Variants in GALNS observed in about 807,000 individuals in gnomAD.
GALNS encodes N-acetylgalactosamine-6-sulfatase.
A neutral mutation model predicts 65.9 loss-of-function variants in GALNS; 65 were observed. That is an observed-to-expected ratio of 0.99 (90% confidence interval 0.81 to 1.21). The LOEUF (loss-of-function observed/expected upper bound fraction) is 1.21, where lower values mean the gene tolerates loss of function less well. Ranked by LOEUF, GALNS falls within the 50% of genes most tolerant of loss-of-function variation. The pLI is 0.00. For missense variants in GALNS, 776 were observed against 700.7 expected (o/e 1.11, Z -1.21); for synonymous variants, 346 against 288.9 (o/e 1.20, Z -2.00).
At position 88,836,214 on chromosome 16, in the gene GALNS, TG is replaced by T; in HGVS notation, c.619del (p.Gln207ArgfsTer112). 6.2e-7 allele frequency: 1 copy of T among 1,613,498 alleles called. No individual in the cohort carries two copies. Reference sequence around the variant, plus strand: ...GGTCCCCATCACCTGCAGGTAGATCTGGGTGAGGTTGGCTTCCCCCGTCTTC... The same window carrying T: ...GGTCCCCATCACCTGCAGGTAGATCTGGTGAGGTTGGCTTCCCCCGTCTTC... ...NLKTGEANLT[Q>X]IYLQEALDFI... On this transcript the variant is annotated frameshift_variant, in exon 6 of 14. Transcript: ENST00000268695. LOFTEE classifies it high-confidence loss of function.
chr16:88,814,072 A>G lies in GALNS; in HGVS notation c.*367T>C, dbSNP rs1141390. ...GGCAAACTGTATCCCCAGCCACCTC[A>G]GGCACCTGTTGTCAGGACCTCCTGA... On this transcript the variant is annotated 3_prime_UTR_variant, in exon 14 of 14. Coordinates refer to ENST00000268695, the MANE Select transcript of GALNS (RefSeq NM_000512.5). The G allele has an allele frequency of 0.33, 127,283 of 381,070 alleles. 22,336 individuals carry two copies. The highest frequency in any genetic ancestry group is 0.6 in the East Asian group (10,021 of 16,734). The allele number at this position is 381,070 out of a possible 1,614,324, so 23.6% of individuals were successfully genotyped here.
At chr16:88,828,524 C>T (rs371912131) in intron 9 of GALNS, among the ~76,000 whole-genome samples, 22 of 152,348 alleles carry the variant, frequency 1.4e-4, no homozygotes, top group African/African-American at 5.0e-4. Flanking sequence ...TCACTGAAAC[C>T]CCGTCGTGGT....
At chr16:88,836,606 A>C (rs1912167838) in intron 5 of GALNS, among the ~76,000 whole-genome samples, 1 of 152,012 alleles carries the variant, frequency 6.6e-6, no homozygotes. Flanking sequence ...GTGAGCCGAG[A>C]TCGCGCCACT....
rs1045492111 is a variant in GALNS, at chr16:88,817,515, G to A, written c.1482+492C>T. ...CTCGCAGGTGGGCCCTGGGGCCGCCGCCACTCAACAGTGCCCACCAGCCCA... is the reference window on the plus strand; with the variant it reads ...CTCGCAGGTGGGCCCTGGGGCCGCCACCACTCAACAGTGCCCACCAGCCCA... On this transcript the variant is annotated intron_variant, in intron 13 of 13. Coordinates refer to ENST00000268695, the MANE Select transcript of GALNS (RefSeq NM_000512.5). The A allele has an allele frequency of 2.5e-5, 25 of 985,398 alleles. No individual in the cohort carries two copies. In the East Asian group the frequency reaches 1.2e-3, roughly 49 times the overall value. The allele number at this position is 985,398 out of a possible 1,614,324, so 61.0% of individuals were successfully genotyped here.
chr16:88,818,352 G>C (rs1466963464), intron 12 of GALNS, among the ~76,000 whole-genome samples: 1 of 152,212 alleles, frequency 6.6e-6, no homozygotes, highest in Non-Finnish European at 1.5e-5. Context: ...AGGAAATGAA[G>C]GCTCAGCAGG....
chr16:88,819,995 A>G (rs116552387), intron 12 of GALNS, among the ~76,000 whole-genome samples: 7,178 of 149,642 alleles, frequency 0.048, 208 homozygotes, highest in South Asian at 0.085. Flanking sequence ...CCCGGCCTTA[A>G]TTTTTTATTT....
At chr16:88,816,649 C>T (rs1909658909) in intron 13 of GALNS, 7 of 985,282 alleles carry the variant, frequency 7.1e-6, no homozygotes, top group Non-Finnish European at 8.4e-6. Flanking sequence ...TAGGTGCTCC[C>T]GATGGCCGGT....
Position 88,822,626 on chromosome 16 carries a change from G to A in GALNS, c.1327C>T (p.His443Tyr), listed in dbSNP as rs1349775646. ...CTCTCCCCTGGGTCCCGTCCCAGGT[G>A]GAAGATCAGGGGCAGCTTCGTGTGG... Reference protein sequence around the residue: ...EDHTKLPLIFHLGRDPGERFP... With the variant: ...EDHTKLPLIFYLGRDPGERFP... The change falls in exon 12 of 14, where the codon CAC becomes TAC. Residue 443 changes from histidine to tyrosine, a missense_variant. Coordinates refer to ENST00000268695, the MANE Select transcript of GALNS (RefSeq NM_000512.5). 1.2e-6 allele frequency: 2 copies of A among 1,613,052 alleles called. No individual in the cohort carries two copies. The highest frequency in any genetic ancestry group is 1.7e-5 in the Admixed American group (1 of 60,008).
rs781754885 is a variant in GALNS at position 88,835,310 on chromosome 16, C to T, written c.801G>A (p.Lys267=). Residue 267 remains lysine, a synonymous_variant, in exon 8 of 14, where the codon AAG becomes AAA. Transcript: ENST00000268695. ...GCAGGTCTTGGAGGAGCTCCAGTAT[C>T]TTCCCAATGCTGTCATCAATCTCCC... The part of the protein sequence containing the change: ...AVREIDDSIG[K]ILELLQDLHV... The T allele has an allele frequency of 3.7e-6, 6 of 1,613,572 alleles. No individual in the cohort carries two copies. Among genetic ancestry groups the T allele is most frequent in the Non-Finnish European group, 5.1e-6 (6 of 1,179,876 alleles).
intron 1 of GALNS, among the ~76,000 whole-genome samples, chr16:88,847,792 G>A (rs1213142076): frequency 6.6e-6 from 1 of 152,266 alleles, no homozygotes; most frequent in African/African-American, 2.4e-5. Flanking sequence ...CCTGGTGAGA[G>A]GTCCGGCAGC....
chr16:88,824,122 G>A (rs977904110), intron 11 of GALNS, among the ~76,000 whole-genome samples: 7 of 152,108 alleles, frequency 4.6e-5, no homozygotes, highest in African/African-American at 1.4e-4. Context: ...TTAGCAGGGG[G>A]TTCATATCTC....
Position 88,841,882 on chromosome 16 carries a change from C to T in GALNS, c.319+15G>A, listed in dbSNP as rs777179922. On this transcript the variant is annotated intron_variant, in intron 3 of 13. Coordinates refer to ENST00000268695, the MANE Select transcript of GALNS (RefSeq NM_000512.5). ...TGCACCCCAAGGGTGTCCCTGGAGG[C>T]GGTGGGCAGCCTACCGTTTCTGGCA... 1.1e-5 allele frequency: 17 copies of T among 1,609,070 alleles called. 1 individual carries two copies. Among genetic ancestry groups the T allele is most frequent in the Admixed American group, 5.0e-5 (3 of 59,436 alleles).
rs1158072599 is a variant in GALNS, at chr16:88,828,222, G to A, written c.1003-1384C>T. Among the ~76,000 whole-genome samples, 3 of 144,320 alleles carry A rather than the reference G, an allele frequency of 2.1e-5. No individual in the cohort carries two copies. In the East Asian group the frequency reaches 6.6e-4, roughly 32 times the overall value. 94.7% of individuals were successfully genotyped at this position (144,320 alleles called of 152,430 possible). A position where few individuals can be genotyped will look rare whatever the true frequency, so the allele number is the denominator to read the frequency against. On this transcript the variant is annotated intron_variant, in intron 9 of 13. Coordinates refer to ENST00000268695, the MANE Select transcript of GALNS (RefSeq NM_000512.5). The stretch of plus-strand genomic sequence containing the variant: ...CAGAATAATAAAGGAAAGAAATCCA[G>A]ATGCTTTTGTCATCTGAAAAAATAA...
intron 1 of GALNS, among the ~76,000 whole-genome samples, chr16:88,847,566 C>A (rs1967307084): frequency 6.6e-6 from 1 of 152,140 alleles, no homozygotes; most frequent in Admixed American, 6.5e-5. Context: ...AAGTTTCCAC[C>A]ATTTCAAATG....
chr16:88,841,720 C>T (rs1480368578), intron 3 of GALNS, among the ~76,000 whole-genome samples, 177 bp downstream of exon 3: 2 of 152,144 alleles, frequency 1.3e-5, no homozygotes, highest in Admixed American at 6.5e-5. Context: ...TGGGCCAGGG[C>T]AGGGAAGGAA....
At position 88,838,281 on chromosome 16, in the gene GALNS, C is replaced by T. The variant is rs944519206; in HGVS notation, c.423-516G>A. ...GTTCAGGGCAATGGCCCCAGGATGA[C>T]GACTGGGCGGGGCGTTGTGTGCCGT... On this transcript the variant is annotated intron_variant, in intron 4 of 13. Coordinates refer to ENST00000268695, the MANE Select transcript of GALNS (RefSeq NM_000512.5). Among the ~76,000 whole-genome samples, 8 of 152,302 alleles carry T rather than the reference C, an allele frequency of 5.3e-5. 1 individual carries two copies. Among genetic ancestry groups the T allele is most frequent in the South Asian group, 2.1e-4 (1 of 4,830 alleles).
intron 1 of GALNS, among the ~76,000 whole-genome samples, chr16:88,853,929 C>T (rs1967632303): frequency 6.6e-6 from 1 of 152,224 alleles, no homozygotes; most frequent in African/African-American, 2.4e-5. Context: ...GGCAATGGTT[C>T]TCTCCCGGGT....
intron 13 of GALNS, chr16:88,816,536 T>G: frequency 3.3e-6 from 1 of 299,700 alleles, no homozygotes; most frequent in Non-Finnish European, 4.4e-6. Context: ...GCCCCCCAAC[T>G]AACGGAGGTG....
At chr16:88,817,312 G>T in intron 13 of GALNS, 2 of 985,462 alleles carry the variant, frequency 2.0e-6, no homozygotes, top group South Asian at 9.4e-5. Context: ...GCACGTCTGT[G>T]CTTGTGTTTC....
Sources: allele counts gnomAD v4.1 joint callset (sites outside exome capture counted in the v4.1 genomes callset), GRCh38; gene constraint gnomAD v4.1.1; transcripts MANE v1.5; gene names NCBI Gene and HGNC (gene_info 2026-07-23, HGNC 2026-07-21).